Variants in ANKS1B observed in about 807,000 individuals in gnomAD.
ANKS1B encodes the protein ankyrin repeat and sterile alpha motif domain-containing protein 1B.
Under a neutral mutation model 148.3 loss-of-function variants are expected in ANKS1B, and 36 were observed. The observed-to-expected ratio is 0.24, with a 90% CI of 0.19 to 0.32. The LOEUF is 0.32. Ranked by LOEUF, ANKS1B falls within the 10% of genes least tolerant of loss-of-function variation. ANKS1B has a pLI of 1.00. For synonymous variants in ANKS1B, 542 were observed against 560.8 expected (o/e 0.97, Z 0.47); for missense variants, 1,157 against 1,542.6 (o/e 0.75, Z 4.19).
intron 11 of ANKS1B, among the ~76,000 whole-genome samples, chr12:99,422,776 G>A (rs1369736006): frequency 6.6e-6 from 1 of 152,110 alleles, no homozygotes; most frequent in African/African-American, 2.4e-5. Context: ...GCATTGACTT[G>A]AGTACATTAA....
At chr12:99,773,557 G>T (rs1231682639) in intron 7 of ANKS1B, among the ~76,000 whole-genome samples, 1 of 151,886 alleles carries the variant, frequency 6.6e-6, no homozygotes, top group African/African-American at 2.4e-5. Context: ...AAGAATTATG[G>T]TATATGATAT....
chr12:98,962,815 C>T (rs572273086), intron 17 of ANKS1B, among the ~76,000 whole-genome samples: 24 of 152,118 alleles, frequency 1.6e-4, no homozygotes, highest in South Asian at 1.0e-3. Context: ...TAAAAACACA[C>T]GGAAATTAAA....
intron 8 of ANKS1B, among the ~76,000 whole-genome samples, chr12:99,685,756 A>ATATG (rs1555546532): frequency 6.6e-6 from 1 of 151,826 alleles, no homozygotes; most frequent in Non-Finnish European, 1.5e-5. Context: ...ACATATATAT[A>ATATG]TATACACACA....
chr12:99,422,284 G>C (rs1356787910), intron 11 of ANKS1B, among the ~76,000 whole-genome samples: 1 of 152,124 alleles, frequency 6.6e-6, no homozygotes, highest in East Asian at 1.9e-4. Context: ...CCACTTACCA[G>C]ATTTAAGAGA....
At chr12:98,956,834 G>T (rs2153106864) in intron 17 of ANKS1B, among the ~76,000 whole-genome samples, 1 of 152,088 alleles carries the variant, frequency 6.6e-6, no homozygotes, top group Admixed American at 6.5e-5. Flanking sequence ...CAATTTCCAT[G>T]CCTTTGCTCT....
rs2099804058 is a variant in ANKS1B at position 98,923,420 on chromosome 12, C to G, written c.2779-91284G>C. ...ACATAAAACAGACTAAGACAGAGGT[C>G]TTCAATACCAAAAGATAGTCTACTT... On this transcript the variant is annotated intron_variant, in intron 17 of 26. Coordinates refer to ENST00000683438, the MANE Select transcript of ANKS1B (RefSeq NM_001352186.2). Among the ~76,000 whole-genome samples, 3 of 152,204 alleles carry G rather than the reference C, an allele frequency of 2.0e-5. No individual in the cohort carries two copies. The South Asian group carries it at 6.2e-4, about 32-fold the overall frequency.
At chr12:99,647,905 C>T (rs991105566) in intron 9 of ANKS1B, 13 of 436,968 alleles carry the variant, frequency 3.0e-5, no homozygotes, top group Non-Finnish European at 4.9e-5. Context: ...CGGACATCCA[C>T]GAGGGCCCCA....
chr12:98,955,825 T>C (rs1303126068), intron 17 of ANKS1B, among the ~76,000 whole-genome samples: 1 of 152,232 alleles, frequency 6.6e-6, no homozygotes, highest in Admixed American at 6.5e-5. Context: ...GAGTTTGACA[T>C]ATCTTTTAGA....
At chr12:99,355,952 T>TAA (rs1457220284) in intron 12 of ANKS1B, among the ~76,000 whole-genome samples, 1 of 152,124 alleles carries the variant, frequency 6.6e-6, no homozygotes, top group Non-Finnish European at 1.5e-5. Flanking sequence ...AATAAAATTA[T>TAA]TAAAATTTAT....
chr12:99,390,662 C>T (rs1475144367), intron 12 of ANKS1B, among the ~76,000 whole-genome samples: 1 of 152,192 alleles, frequency 6.6e-6, no homozygotes, highest in African/African-American at 2.4e-5. Flanking sequence ...CTGGGCAGGG[C>T]CACATCCCAT....
At chr12:99,356,431 G>A (rs2091987805) in intron 12 of ANKS1B, among the ~76,000 whole-genome samples, 1 of 152,156 alleles carries the variant, frequency 6.6e-6, no homozygotes. Flanking sequence ...GCCTGATGGT[G>A]CAGTTGCTGT....
chr12:98,951,820 T>C (rs1014995971), intron 17 of ANKS1B, among the ~76,000 whole-genome samples: 7 of 152,244 alleles, frequency 4.6e-5, no homozygotes, highest in Non-Finnish European at 8.8e-5. Context: ...ACGGGTCTTA[T>C]GGCATTTGTT....
rs183073066 is a variant in ANKS1B, at chr12:99,613,595, T to C, written c.1272+41472A>G. ...GAGGCCATTATCCTTAGAAAATGGATGCAGGAACAGAAAACTAAGTATTGT... is the reference window on the plus strand; with the variant it reads ...GAGGCCATTATCCTTAGAAAATGGACGCAGGAACAGAAAACTAAGTATTGT... On this transcript the variant is annotated intron_variant, in intron 9 of 26. Coordinates refer to ENST00000683438, the MANE Select transcript of ANKS1B (RefSeq NM_001352186.2). 2.6e-5 allele frequency among the ~76,000 whole-genome samples: 4 copies of C among 152,120 alleles called. No individual in the cohort carries two copies. In the East Asian group the frequency reaches 5.8e-4, roughly 22 times the overall value.
At chr12:99,678,502 G>T (rs2098595111) in intron 8 of ANKS1B, among the ~76,000 whole-genome samples, 1 of 152,150 alleles carries the variant, frequency 6.6e-6, no homozygotes, top group African/African-American at 2.4e-5. Context: ...AAATGTCACA[G>T]ATTCCCGGAT....
chr12:99,452,898 C>A (rs1463785238), intron 10 of ANKS1B, among the ~76,000 whole-genome samples: 1 of 152,204 alleles, frequency 6.6e-6, no homozygotes, highest in Non-Finnish European at 1.5e-5. Flanking sequence ...TAGACAGCCT[C>A]TAGGATGGTC....
chr12:98,942,134 G>A (rs1024115819), intron 17 of ANKS1B, among the ~76,000 whole-genome samples: 3 of 151,742 alleles, frequency 2.0e-5, no homozygotes, highest in Non-Finnish European at 2.9e-5. Flanking sequence ...CCAGCTACTC[G>A]GAAGGCTGAG....
At chr12:99,331,209 A>G (rs199574172) in intron 12 of ANKS1B, among the ~76,000 whole-genome samples, 3 of 151,982 alleles carry the variant, frequency 2.0e-5, no homozygotes, top group Non-Finnish European at 2.9e-5. Context: ...TAATATGCTC[A>G]TGGATTCCTG....
chr12:99,585,158 G>A lies in ANKS1B; in HGVS notation c.1272+69909C>T, dbSNP rs951191126. Among the ~76,000 whole-genome samples, 84 of 152,200 alleles carry A rather than the reference G, an allele frequency of 5.5e-4. No individual in the cohort carries two copies. In the Middle Eastern group the frequency reaches 0.01, roughly 18 times the overall value. On this transcript the variant is annotated intron_variant, in intron 9 of 26. Transcript: ENST00000683438. ...ATCCTGTAAAATCAAAAGTAAGTTA[G>A]TTACTTCCTAGATACAATGGAGGTC...
At chr12:99,956,836 A>G (rs374550201) in intron 1 of ANKS1B, among the ~76,000 whole-genome samples, 11 of 152,274 alleles carry the variant, frequency 7.2e-5, no homozygotes, top group African/African-American at 2.2e-4. Context: ...AAAGTATAAA[A>G]ATTCCAATTA....
Sources: gnomAD v4.1 joint callset for allele counts (sites outside exome capture counted in the v4.1 genomes callset) on GRCh38, gnomAD v4.1.1 for gene constraint, MANE v1.5 for transcripts, NCBI Gene and HGNC (gene_info 2026-07-23, HGNC 2026-07-21) for gene names.